The following MGAT4C variants were observed in gnomAD, a reference collection of about 807,000 sequenced individuals.
MGAT4C encodes the protein MGAT4 family member C.
Under a neutral mutation model 40.1 loss-of-function variants are expected in MGAT4C, and 19 were observed. That is an observed-to-expected ratio of 0.47 (90% CI 0.33 to 0.70). The LOEUF is 0.70. Among genes scored for constraint, MGAT4C ranks in the 30% least tolerant of loss-of-function variants. The pLI is 0.02. For synonymous variants in MGAT4C, 181 were observed against 187.1 expected (o/e 0.97, Z 0.27); for missense variants, 491 against 563.2 (o/e 0.87, Z 1.30).
chr12:86,051,773 G>A (rs1892917251), intron 1 of MGAT4C, among the ~76,000 whole-genome samples: 2 of 150,964 alleles, frequency 1.3e-5, no homozygotes, highest in South Asian at 4.2e-4. Context: ...TATCTAATTA[G>A]TATTAGATAG....
chr12:86,335,224 C>A (rs957746851), intron 3 of MGAT4C, among the ~76,000 whole-genome samples: 4 of 152,110 alleles, frequency 2.6e-5, no homozygotes, highest in African/African-American at 9.6e-5. Flanking sequence ...TGACTCTAGG[C>A]CCCTAACCTC....
chr12:86,692,435 T>C (rs1195469614), intron 2 of MGAT4C, among the ~76,000 whole-genome samples: 2 of 152,190 alleles, frequency 1.3e-5, no homozygotes, highest in African/African-American at 4.8e-5. Context: ...ACAATCATTA[T>C]TGATAAATTT....
chr12:86,396,710 ATTTTAC>A (rs1287278796), intron 3 of MGAT4C, among the ~76,000 whole-genome samples: 8 of 152,252 alleles, frequency 5.3e-5, no homozygotes, highest in Admixed American at 2.0e-4. Context: ...GCCATTATGT[ATTTTAC>A]TTTTATATAA....
chr12:86,281,903 A>G (rs1440070819), intron 4 of MGAT4C, among the ~76,000 whole-genome samples: 1 of 152,036 alleles, frequency 6.6e-6, no homozygotes, highest in East Asian at 1.9e-4. Flanking sequence ...CCCTTTCTTT[A>G]GCCTTTAGTG....
intron 1 of MGAT4C, among the ~76,000 whole-genome samples, chr12:86,731,368 G>C (rs964195166): frequency 6.6e-6 from 1 of 151,990 alleles, no homozygotes; most frequent in African/African-American, 2.4e-5. Context: ...TTTTCTCTAA[G>C]AATAATACCC....
Position 86,047,958 on chromosome 12 carries a change from C to T in MGAT4C, c.-7+1716G>A, listed in dbSNP as rs80101234. The stretch of plus-strand genomic sequence containing the variant: ...GTTAAAACAACAGCAAAAACACACA[C>T]GGAAAATAATAGTCCATGAATGAAA... On this transcript the variant is annotated intron_variant, in intron 2 of 4. Transcript: ENST00000611864. Among the ~76,000 whole-genome samples, 372 of 151,738 alleles carry T rather than the reference C, an allele frequency of 2.5e-3. 2 individuals carry two copies. Among genetic ancestry groups the T allele is most frequent in the Non-Finnish European group, 2.0e-3 (138 of 67,864 alleles).
upstream of MGAT4C, among the ~76,000 whole-genome samples, chr12:86,256,847 T>C (rs1566234524): frequency 6.6e-6 from 1 of 152,166 alleles, no homozygotes; most frequent in Non-Finnish European, 1.5e-5. Context: ...AGAAAAATTA[T>C]AATGTAGTCA....
intron 2 of MGAT4C, among the ~76,000 whole-genome samples, chr12:86,031,974 T>A (rs533642625): frequency 6.6e-6 from 1 of 152,082 alleles, no homozygotes; most frequent in East Asian, 1.9e-4. Context: ...TGTCCATATG[T>A]GCTAAATGCT....
intron 2 of MGAT4C, among the ~76,000 whole-genome samples, chr12:86,498,057 A>T (rs1403317064): frequency 6.7e-6 from 1 of 148,764 alleles, no homozygotes; most frequent in Non-Finnish European, 1.5e-5. Flanking sequence ...GCTTATGAAC[A>T]TTTTATGTGC....
chr12:86,228,662 GA>G (rs148479332), intron 1 of MGAT4C, among the ~76,000 whole-genome samples: 7,616 of 149,870 alleles, frequency 0.051, 581 homozygotes, highest in African/African-American at 0.17. Context: ...TTGCATTTGT[GA>G]AAAAAAAAAT....
In MGAT4C at chr12:85,968,217, T is replaced by A. The variant is rs370381135; in HGVS notation, c.*11072A>T. ...AGTTTTTCTCCTTCTTTCTTGAATA[T>A]GTTTAGTTAATTTTGTGGAAAGAGG... is the stretch of plus-strand genomic sequence containing the variant. On this transcript the variant is annotated 3_prime_UTR_variant, in exon 5 of 5. Transcript: ENST00000611864. 13 of 152,188 alleles carry A rather than the reference T, an allele frequency of 8.5e-5. No individual in the cohort carries two copies. The highest frequency in any genetic ancestry group is 3.1e-4 in the African/African-American group (13 of 41,562). 9.4% of individuals were successfully genotyped at this position (152,188 alleles called of 1,614,324 possible). A position where few individuals can be genotyped will look rare whatever the true frequency, so the allele number is the denominator to read the frequency against.
chr12:86,439,481 C>T (rs189701395), intron 2 of MGAT4C, among the ~76,000 whole-genome samples: 1 of 151,988 alleles, frequency 6.6e-6, no homozygotes. Flanking sequence ...AAACGCAATG[C>T]TAAGAGGAAA....
intron 1 of MGAT4C, among the ~76,000 whole-genome samples, chr12:86,163,135 A>G (rs1477509447): frequency 6.6e-6 from 1 of 152,106 alleles, no homozygotes; most frequent in Non-Finnish European, 1.5e-5. Flanking sequence ...TGCCTTTACC[A>G]GAAAGCTTCT....
chr12:86,132,126 T>C (rs1182081586), intron 1 of MGAT4C, among the ~76,000 whole-genome samples: 1 of 152,144 alleles, frequency 6.6e-6, no homozygotes, highest in Admixed American at 6.5e-5. Context: ...ATTCTCATGC[T>C]GAAATTAAAA....
At chr12:86,396,332 TA>T (rs1282834056) in intron 3 of MGAT4C, among the ~76,000 whole-genome samples, 2 of 152,206 alleles carry the variant, frequency 1.3e-5, no homozygotes, top group South Asian at 2.1e-4. Context: ...GTGAGAACCT[TA>T]AAAAATATAT....
At chr12:86,174,142 C>T (rs1373498496) in intron 1 of MGAT4C, among the ~76,000 whole-genome samples, 1 of 151,454 alleles carries the variant, frequency 6.6e-6, no homozygotes, top group African/African-American at 2.4e-5. Flanking sequence ...CACACACACA[C>T]ACACACACAC....
chr12:86,627,827 T>A (rs994192096), intron 2 of MGAT4C, among the ~76,000 whole-genome samples: 4 of 150,532 alleles, frequency 2.7e-5, no homozygotes. Flanking sequence ...AAAACCAGAG[T>A]GCGCCTTCTC....
At chr12:86,718,590 A>G (rs909837231) in intron 2 of MGAT4C, among the ~76,000 whole-genome samples, 1 of 152,120 alleles carries the variant, frequency 6.6e-6, no homozygotes, top group African/African-American at 2.4e-5. Flanking sequence ...GGGGTCCCCA[A>G]TCCCCTGACC....
At chr12:86,318,115 T>C (rs1592690146) in intron 4 of MGAT4C, among the ~76,000 whole-genome samples, 1 of 152,074 alleles carries the variant, frequency 6.6e-6, no homozygotes, top group African/African-American at 2.4e-5. Context: ...TGGAAGTACA[T>C]AAACAAATTA....
Sources: allele counts gnomAD v4.1 joint callset (sites outside exome capture counted in the v4.1 genomes callset), GRCh38; gene constraint gnomAD v4.1.1; transcripts MANE v1.5; gene names NCBI Gene and HGNC (gene_info 2026-07-23, HGNC 2026-07-21).